Variants in SEMA6D observed in about 807,000 individuals in gnomAD.
The protein encoded by SEMA6D is semaphorin 6D.
SEMA6D carries 35 observed loss-of-function variants against 106.6 expected under a neutral mutation model. The observed-to-expected ratio is 0.33, with a 90% CI of 0.25 to 0.44. SEMA6D has a LOEUF of 0.44. SEMA6D is among the 20% of genes least tolerant of loss of function. The pLI, the probability that SEMA6D is intolerant of heterozygous loss-of-function variation, is 1.00. For synonymous variants in SEMA6D, 499 were observed against 487.7 expected (o/e 1.02, Z -0.31); for missense variants, 1,185 against 1,345.9 (o/e 0.88, Z 1.87).
At chr15:47,422,180 G>GCCTTCCTGCCTTCCTT (rs2041186932) in intron 2 of SEMA6D, among the ~76,000 whole-genome samples, 3 of 112,814 alleles carry the variant, frequency 2.7e-5, no homozygotes, top group Non-Finnish European at 5.6e-5. Context: ...CCGCCTGCCT[G>GCCTTCCTGCCTTCCTT]CCTTCCTTCC....
rs1194031974 is a variant in SEMA6D at position 47,239,193 on chromosome 15, G to T, written c.-239+54775G>T. Among the ~76,000 whole-genome samples, 5 of 152,134 alleles carry T rather than the reference G, an allele frequency of 3.3e-5. No homozygotes were observed. The East Asian group carries it at 9.7e-4, about 29-fold the overall frequency. On this transcript the variant is annotated intron_variant, in intron 1 of 19. Coordinates refer to the SEMA6D transcript ENST00000558014. ...CGCATGCAAGGAATCAAGGTTCTGG[G>T]CTCCTTATGACAATCTAATGCCTGA...
chr15:47,270,631 A>C (rs750712394), intron 1 of SEMA6D, among the ~76,000 whole-genome samples: 33 of 152,196 alleles, frequency 2.2e-4, no homozygotes, highest in Non-Finnish European at 4.0e-4. Flanking sequence ...TTAGTCTTTT[A>C]CTATATTTGC....
chr15:47,485,886 C>T (rs2043282226), intron 3 of SEMA6D, among the ~76,000 whole-genome samples: 1 of 152,126 alleles, frequency 6.6e-6, no homozygotes, highest in Non-Finnish European at 1.5e-5. Flanking sequence ...AAGATTGAGT[C>T]CACAGAGCTA....
intron 15 of SEMA6D, 104 bp from the exon 16 acceptor site, chr15:47,766,512 C>T: frequency 1.1e-6 from 1 of 936,866 alleles, no homozygotes; most frequent in South Asian, 1.5e-5. Flanking sequence ...TCTCTCTCTG[C>T]CCATTCTTAC....
intron 1 of SEMA6D, among the ~76,000 whole-genome samples, chr15:47,227,940 T>C (rs1423845438): frequency 7.0e-6 from 1 of 143,588 alleles, no homozygotes; most frequent in Non-Finnish European, 1.5e-5. Flanking sequence ...AAGAATCTTA[T>C]ATATATTTTT....
chr15:47,522,773 G>A (rs112587985), intron 3 of SEMA6D, among the ~76,000 whole-genome samples: 250 of 152,268 alleles, frequency 1.6e-3, no homozygotes, highest in African/African-American at 5.6e-3. Context: ...AGGAAAGCAC[G>A]TCAGTTGGTG....
intron 3 of SEMA6D, among the ~76,000 whole-genome samples, chr15:47,582,950 C>T (rs768162946): frequency 2.2e-4 from 34 of 152,192 alleles, no homozygotes; most frequent in Non-Finnish European, 2.1e-4. Flanking sequence ...CCAAGCCCTC[C>T]ACTCCCACAG....
chr15:47,314,387 A>G (rs2036560379), intron 1 of SEMA6D, among the ~76,000 whole-genome samples: 1 of 151,448 alleles, frequency 6.6e-6, no homozygotes, highest in Non-Finnish European at 1.5e-5. Flanking sequence ...TCACGAGGTC[A>G]GGAGATCGAG....
chr15:47,367,689 C>CGCGT (rs1388766538), intron 1 of SEMA6D, among the ~76,000 whole-genome samples: 3 of 42,610 alleles, frequency 7.0e-5, no homozygotes, highest in African/African-American at 2.6e-4. Flanking sequence ...CGCGCGCGCG[C>CGCGT]GCGCACACAC....
chr15:47,284,772 C>T (rs957566), intron 1 of SEMA6D, among the ~76,000 whole-genome samples: 66,607 of 151,990 alleles, frequency 0.44, 16,707 homozygotes, highest in Non-Finnish European at 0.57. Context: ...GTATAACAAC[C>T]GTGATTTCCT....
chr15:47,480,019 G>A (rs1362174342), intron 3 of SEMA6D, among the ~76,000 whole-genome samples: 1 of 146,582 alleles, frequency 6.8e-6, no homozygotes, highest in Non-Finnish European at 1.5e-5. Flanking sequence ...CACAGCACCT[G>A]ATTAATTTTT....
chr15:47,381,386 G>A (rs141522298), intron 1 of SEMA6D, among the ~76,000 whole-genome samples: 14 of 152,272 alleles, frequency 9.2e-5, no homozygotes, highest in Non-Finnish European at 1.5e-4. Context: ...CAGTTACCAC[G>A]AATGACCTCA....
At chr15:47,236,740 A>C (rs192182982) in intron 1 of SEMA6D, among the ~76,000 whole-genome samples, 1 of 152,160 alleles carries the variant, frequency 6.6e-6, no homozygotes, top group South Asian at 2.1e-4. Context: ...GAATAAGAAA[A>C]AGCTGAGGAA....
rs2147792694 is a variant in SEMA6D at position 47,763,936 on chromosome 15, A to G, written c.834A>G (p.Leu278=). The G allele has an allele frequency of 1.9e-6, 3 of 1,613,986 alleles. No homozygotes were observed. Among genetic ancestry groups the G allele is most frequent in the African/African-American group, 2.7e-5 (2 of 75,036 alleles). Residue 278 remains leucine (L), a synonymous_variant, in exon 10 of 19, where the codon CTA becomes CTG. Transcript: ENST00000536845. ...TGGAGAAACACTGGACTTCATTTCT[A>G]AAGGCTCGGCTGAACTGTTCTGTCC... ...RVLEKHWTSF[L]KARLNCSVPG...
chr15:47,388,754 AG>A (rs2039929725), intron 1 of SEMA6D, among the ~76,000 whole-genome samples: 2 of 152,194 alleles, frequency 1.3e-5, no homozygotes, highest in South Asian at 2.1e-4. Flanking sequence ...AATGTAAAAG[AG>A]AAAAGGAGAT....
chr15:47,184,345 C>T (rs1007576256), exon 1 of SEMA6D: 1 of 152,380 alleles, frequency 6.6e-6, no homozygotes, highest in East Asian at 1.9e-4. Context: ...GCGCCAGCGC[C>T]TTCCGCCTGG....
intron 4 of SEMA6D, among the ~76,000 whole-genome samples, chr15:47,637,872 A>T (rs1262719593): frequency 1.3e-5 from 2 of 152,172 alleles, no homozygotes; most frequent in Admixed American, 1.3e-4. Flanking sequence ...GAGCCACTTG[A>T]CTAATGAAAT....
At chr15:47,439,486 T>A (rs1261778495) in intron 2 of SEMA6D, among the ~76,000 whole-genome samples, 2 of 152,280 alleles carry the variant, frequency 1.3e-5, no homozygotes, top group East Asian at 3.9e-4. Flanking sequence ...ATGTACTTTC[T>A]TCTCTGGGTG....
At chr15:47,552,371 A>G (rs1405502496) in intron 3 of SEMA6D, among the ~76,000 whole-genome samples, 1 of 152,020 alleles carries the variant, frequency 6.6e-6, no homozygotes, top group African/African-American at 2.4e-5. Context: ...AGTAGGTGAT[A>G]TATTTCCTTT....
Sources: gnomAD v4.1 joint callset for allele counts (sites outside exome capture counted in the v4.1 genomes callset) on GRCh38, gnomAD v4.1.1 for gene constraint, MANE v1.5 for transcripts, NCBI Gene and HGNC (gene_info 2026-07-23, HGNC 2026-07-21) for gene names.